The following HSD17B11 variants were observed in gnomAD, a reference collection of about 807,000 sequenced individuals.
The protein encoded by HSD17B11 is estradiol 17-beta-dehydrogenase 11.
HSD17B11 carries 22 observed loss-of-function variants against 27.8 expected under a neutral mutation model. The ratio of observed to expected loss-of-function variants is 0.79; its 90% CI spans 0.56 to 1.13. The LOEUF is 1.13. Among genes scored for constraint, HSD17B11 ranks in the 50% most tolerant of loss-of-function variants. The pLI, the probability that HSD17B11 is intolerant of heterozygous loss-of-function variation, is 0.00. For missense variants in HSD17B11, 314 were observed against 351.1 expected, an observed-to-expected ratio of 0.89 and a Z score of 0.84; for synonymous variants, 117 against 132.8, an observed-to-expected ratio of 0.88 and a Z score of 0.82.
chr4:87,376,953 A>G (rs1051428360), intron 2 of HSD17B11, among the ~76,000 whole-genome samples: 2 of 151,532 alleles, frequency 1.3e-5, no homozygotes, highest in South Asian at 2.1e-4. Flanking sequence ...GACATGGTGA[A>G]ACTGCATCTC....
intron 4 of HSD17B11, among the ~76,000 whole-genome samples, chr4:87,371,256 CACATGAT>C (rs1234955966): frequency 2.6e-5 from 4 of 152,138 alleles, no homozygotes. Flanking sequence ...GTTGTCTGGT[CACATGAT>C]ACAACACTAT....
rs552129031 is a variant in HSD17B11, at chr4:87,361,403, G to A, written c.558-3987C>T. Among the ~76,000 whole-genome samples, 6 of 152,306 alleles carry A rather than the reference G, an allele frequency of 3.9e-5. No homozygotes were observed. In the South Asian group the frequency reaches 1.2e-3, roughly 32 times the overall value. ...ATTATCAAAAAATAATCATAAAAAT[G>A]GGCAACCAGCACCCCTTGGGGCTGC... On this transcript the variant is annotated intron_variant, in intron 4 of 6. Coordinates refer to ENST00000358290, the MANE Select transcript of HSD17B11 (RefSeq NM_016245.5).
intron 5 of HSD17B11, 80 bp downstream of exon 5, chr4:87,357,199 T>G: frequency 1.4e-6 from 2 of 1,431,982 alleles, no homozygotes; most frequent in Non-Finnish European, 1.9e-6. Context: ...GTTTTCAGGA[T>G]TAAAACATTT....
At chr4:87,380,489 G>C (rs947428125) in intron 2 of HSD17B11, among the ~76,000 whole-genome samples, 2 of 119,304 alleles carry the variant, frequency 1.7e-5, no homozygotes, top group African/African-American at 5.8e-5. Context: ...AAAAAAAAAA[G>C]AAAAAAGAAA....
intron 2 of HSD17B11, among the ~76,000 whole-genome samples, chr4:87,381,354 GCTGC>G (rs1411215759): frequency 6.6e-6 from 1 of 152,104 alleles, no homozygotes; most frequent in Non-Finnish European, 1.5e-5. Context: ...TGATGACCTT[GCTGC>G]CATTAAGGTA....
Position 87,390,854 on chromosome 4 carries a change from C to T in HSD17B11, c.210+7G>A, listed in dbSNP as rs2110137351. ...ACCAGAAAGTAAAACATAGTAAACA[C>T]TGTTACCTTATTTATATCCCAGAGA... On this transcript the variant is annotated splice_region_variant and intron_variant, in intron 1 of 6. Coordinates refer to ENST00000358290, the MANE Select transcript of HSD17B11 (RefSeq NM_016245.5). 1.2e-6 allele frequency: 2 copies of T among 1,612,446 alleles called. No individual in the cohort carries two copies. Among genetic ancestry groups the T allele is most frequent in the East Asian group, 2.2e-5 (1 of 44,864 alleles).
chr4:87,338,254 G>A (rs1306113592), intron 6 of HSD17B11, among the ~76,000 whole-genome samples: 36 of 151,874 alleles, frequency 2.4e-4, no homozygotes, highest in African/African-American at 2.4e-5. Context: ...GAACAGTGAC[G>A]GACACTAGCA....
At position 87,357,223 on chromosome 4, in the gene HSD17B11, G is replaced by A. The variant is rs1471236488; in HGVS notation, c.695+56C>T. ...ATTAAAACATTTAGGAAAACCCACA[G>A]AATGGCTGGTATTCATAGCAACCAC... On this transcript the variant is annotated intron_variant, in intron 5 of 6. Transcript: ENST00000358290. 5.1e-6 allele frequency: 8 copies of A among 1,557,850 alleles called. No individual in the cohort carries two copies. The East Asian group carries it at 1.4e-4, about 27-fold the overall frequency.
At chr4:87,385,659 T>C (rs1250825482) in intron 1 of HSD17B11, 4 of 152,164 alleles carry the variant, frequency 2.6e-5, no homozygotes, top group African/African-American at 4.8e-5. Flanking sequence ...CTTACACCTG[T>C]AATCCCAGCA....
intron 2 of HSD17B11, among the ~76,000 whole-genome samples, chr4:87,379,779 AATAGTATATT>A (rs1283593010): frequency 1.1e-5 from 1 of 94,808 alleles, no homozygotes; most frequent in Non-Finnish European, 2.4e-5. Context: ...ATAATATAGT[AATAGTATATT>A]ATAGTATAAT....
At chr4:87,381,056 G>A (rs1239945234) in intron 2 of HSD17B11, among the ~76,000 whole-genome samples, 4 of 150,110 alleles carry the variant, frequency 2.7e-5, no homozygotes, top group East Asian at 3.9e-4. Flanking sequence ...ATGATGGTGC[G>A]TGCCTGTAAT....
intron 4 of HSD17B11, among the ~76,000 whole-genome samples, chr4:87,358,102 C>A (rs1293047380): frequency 6.6e-6 from 1 of 151,794 alleles, no homozygotes; most frequent in Non-Finnish European, 1.5e-5. Context: ...GCTGGGACTA[C>A]AGGCGCCCGC....
chr4:87,379,744 C>T (rs1026193911), intron 2 of HSD17B11, among the ~76,000 whole-genome samples: 1 of 138,936 alleles, frequency 7.2e-6, no homozygotes, highest in Non-Finnish European at 1.5e-5. Flanking sequence ...TATTAGTATA[C>T]TATAGTATAA....
intron 2 of HSD17B11, among the ~76,000 whole-genome samples, chr4:87,375,174 C>T (rs1329976178): frequency 1.3e-5 from 2 of 152,314 alleles, no homozygotes; most frequent in African/African-American, 4.8e-5. Context: ...GCTGGGATTA[C>T]AGGCATGAGT....
At chr4:87,370,191 C>T (rs937610963) in intron 4 of HSD17B11, among the ~76,000 whole-genome samples, 4 of 152,036 alleles carry the variant, frequency 2.6e-5, no homozygotes, top group Admixed American at 6.6e-5. Flanking sequence ...AAAAACTAGG[C>T]GTCAGAGCAT....
chr4:87,388,595 C>T (rs1720377071), intron 1 of HSD17B11, among the ~76,000 whole-genome samples: 1 of 152,200 alleles, frequency 6.6e-6, no homozygotes. Flanking sequence ...CCCCTCCTAC[C>T]CTCCCCACCA....
intron 3 of HSD17B11, 46 bp from the exon 4 acceptor site, chr4:87,372,861 C>G: frequency 1.8e-6 from 2 of 1,122,530 alleles, no homozygotes; most frequent in Non-Finnish European, 1.4e-6. Flanking sequence ...GTATTTCAGA[C>G]TCACAGACCT....
At chr4:87,370,742 TA>T (rs61554951) in intron 4 of HSD17B11, among the ~76,000 whole-genome samples, 18,211 of 35,114 alleles carry the variant, frequency 0.52, 3,498 homozygotes, top group African/African-American at 0.64. Flanking sequence ...TTATTATTAT[TA>T]TTATTATTAT....
rs1282396558 is a variant in HSD17B11 at position 87,378,817 on chromosome 4, A to AT, written c.318+3437_318+3438insA. On this transcript the variant is annotated intron_variant, in intron 2 of 6. Transcript: ENST00000358290. Reference sequence around the variant, plus strand: ...TGATTTTATATATATATATAAATATAAAATATATATATAAATATATATATA... The same window carrying AT: ...TGATTTTATATATATATATAAATATATAAATATATATATAAATATATATATA... Among the ~76,000 whole-genome samples, 4 of 73,502 alleles carry AT rather than the reference A, an allele frequency of 5.4e-5. 1 individual carries two copies. The highest frequency in any genetic ancestry group is 2.1e-4 in the African/African-American group (4 of 18,868). 48.2% of individuals were successfully genotyped at this position (73,502 alleles called of 152,430 possible).
Sources: gnomAD v4.1 joint callset for allele counts (sites outside exome capture counted in the v4.1 genomes callset) on GRCh38, gnomAD v4.1.1 for gene constraint, MANE v1.5 for transcripts, NCBI Gene and HGNC (gene_info 2026-07-23, HGNC 2026-07-21) for gene names.